Variants in CDHR2 observed in about 807,000 individuals in gnomAD.
The protein encoded by CDHR2 is cadherin related family member 2, also known as cadherin-related family member 2.
CDHR2 carries 104 observed loss-of-function variants against 138.6 expected under a neutral mutation model. The ratio of observed to expected loss-of-function variants is 0.75; its 90% CI spans 0.64 to 0.88. The LOEUF (loss-of-function observed/expected upper bound fraction) is 0.88. Ranked by LOEUF, CDHR2 falls within the 40% of genes least tolerant of loss-of-function variation. The pLI, the probability that CDHR2 is intolerant of heterozygous loss-of-function variation, is 0.00. For missense variants in CDHR2, 1,624 were observed against 1,727.6 expected (o/e 0.94, Z 1.06); for synonymous variants, 755 against 742.8 (o/e 1.02, Z -0.27).
At chr5:176,589,725 T>A in intron 24 of CDHR2, 109 bp downstream of exon 24, 1 of 949,096 alleles carries the variant, frequency 1.1e-6, no homozygotes, top group Non-Finnish European at 1.7e-6. Context: ...TGACCCACAT[T>A]TGACCTTGTC....
chr5:176,577,836 G>A (rs750536604), intron 14 of CDHR2, 38 bp downstream of exon 14: 2 of 1,605,512 alleles, frequency 1.2e-6, no homozygotes, highest in African/African-American at 2.7e-5. Flanking sequence ...TGGGGTCCCA[G>A]CAAGCGGGCG....
rs758754545 is a variant in CDHR2 at position 176,575,373 on chromosome 5, C to T, written c.715C>T (p.Pro239Ser). The T allele has an allele frequency of 5.6e-6, 9 of 1,614,108 alleles. No homozygotes were observed. The African/African-American group carries it at 9.3e-5, about 17-fold the overall frequency. ...ISVVDQPDLD[P>S]QFVREFYSAS... ...CGTGGTGGACCAGCCTGACCTTGAC[C>T]CCCAGTTTGTCAGGGAGTTTTACTC... The change falls in exon 9 of 32, where the codon CCC becomes TCC. Residue 239 changes from proline to serine, a missense_variant. By Grantham distance (74) the Pro-to-Ser change is moderately conservative. Around this residue, in one of 3 missense-constraint regions of CDHR2, gnomAD observed 1,061 missense variants for 1,136.6 expected, o/e 0.93. Transcript: ENST00000261944.
chr5:176,565,022 T>G (rs1758048566), intron 1 of CDHR2, among the ~76,000 whole-genome samples: 1 of 152,182 alleles, frequency 6.6e-6, no homozygotes, highest in Non-Finnish European at 1.5e-5. Context: ...CCCCTTCGTA[T>G]CTTGGTGCCT....
At chr5:176,565,581 C>G (rs896826151) in intron 2 of CDHR2, 91 bp from the exon 3 acceptor site, 2 of 1,304,972 alleles carry the variant, frequency 1.5e-6, no homozygotes, top group African/African-American at 2.9e-5. Flanking sequence ...GCCTGGGTGG[C>G]CATAAGGACT....
chr5:176,556,520 C>T (rs1245544428), intron 1 of CDHR2, among the ~76,000 whole-genome samples: 1 of 152,198 alleles, frequency 6.6e-6, no homozygotes, highest in Non-Finnish European at 1.5e-5. Flanking sequence ...CAAAAATTAG[C>T]CGGGTGTGGT....
chr5:176,575,929 C>A, intron 11 of CDHR2, 23 bp from the exon 12 acceptor site: 1 of 1,601,708 alleles, frequency 6.2e-7, no homozygotes, highest in East Asian at 2.3e-5. Flanking sequence ...TCTCTGCCCT[C>A]TGCCCTCTGC....
At position 176,591,254 on chromosome 5, in the gene CDHR2, G is replaced by A. The variant is rs779285494; in HGVS notation, c.3584G>A (p.Arg1195Lys). ...LQAMKAAKEA[R>K]KTAAGVMPSA... Reference sequence around the variant, plus strand: ...GCTATGAAGGCTGCCAAGGAGGCCAGGAAGACAGCAGCAGGGGTGATGCCC... The same window carrying A: ...GCTATGAAGGCTGCCAAGGAGGCCAAGAAGACAGCAGCAGGGGTGATGCCC... The change falls in exon 29 of 32, where the codon AGG becomes AAG. Residue 1195 changes from arginine to lysine, a missense_variant. Transcript: ENST00000261944. The A allele has an allele frequency of 6.2e-7, 1 of 1,614,042 alleles. No homozygotes were observed. Among genetic ancestry groups the A allele is most frequent in the East Asian group, 2.2e-5 (1 of 44,884 alleles).
At position 176,590,469 on chromosome 5, in the gene CDHR2, T is replaced by C. The variant is rs775376617; in HGVS notation, c.3398T>C (p.Leu1133Pro). The C allele has an allele frequency of 6.2e-7, 1 of 1,613,740 alleles. No homozygotes were observed. The highest frequency in any genetic ancestry group is 1.3e-5 in the African/African-American group (1 of 74,888). ...DQDSLTQLLQ[L>P]GLVVLGSQES... ...GACTCGCTGACGCAGCTGCTGCAGCTGGGGCTGGTGGTGCTGGTGAGTGCG... is the reference window on the plus strand; with the variant it reads ...GACTCGCTGACGCAGCTGCTGCAGCCGGGGCTGGTGGTGCTGGTGAGTGCG... Residue 1133 changes from leucine (L) to proline (P), a missense_variant, in exon 27 of 32, where the codon CTG becomes CCG. Physicochemically the swap from Leu to Pro is moderately conservative, Grantham distance 98 (BLOSUM62 -3). Transcript: ENST00000261944.
At position 176,569,091 on chromosome 5, in the gene CDHR2, G is replaced by A. The variant is rs1758159355; in HGVS notation, c.315+81G>A. ...GTGTCCCCACCTCCGGCAAGCGGAC[G>A]GTGCCCCAGTTAACAGTGAATTTAA... On this transcript the variant is annotated intron_variant, in intron 5 of 31. Coordinates refer to ENST00000261944, the MANE Select transcript of CDHR2 (RefSeq NM_017675.6). 6 of 1,321,340 alleles carry A rather than the reference G, an allele frequency of 4.5e-6. No homozygotes were observed. In the Admixed American group the frequency reaches 5.6e-5, roughly 12 times the overall value. The allele number at this position is 1,321,340 out of a possible 1,614,324, so 81.9% of individuals were successfully genotyped here.
At chr5:176,551,745 A>C (rs1581128183) in intron 1 of CDHR2, among the ~76,000 whole-genome samples, 1 of 127,574 alleles carries the variant, frequency 7.8e-6, no homozygotes, top group Non-Finnish European at 1.6e-5. Flanking sequence ...TCTGTCACCC[A>C]AGCTGGAGTG....
At chr5:176,587,690 A>T (rs972476795) in intron 21 of CDHR2, among the ~76,000 whole-genome samples, 1 of 152,144 alleles carries the variant, frequency 6.6e-6, no homozygotes, top group African/African-American at 2.4e-5. Flanking sequence ...AGAAGGTGGC[A>T]TGTGGGTGCC....
chr5:176,575,144 G>A lies in CDHR2; in HGVS notation c.556G>A (p.Val186Ile), dbSNP rs950111037. The stretch of plus-strand genomic sequence containing the variant: ...CCGGATCCTGGCCAATGGCTCCATA[G>A]TCCTCAATGGCAGCCTCAGCTACAA... ...LFRILANGSI[V>I]LNGSLSYNNK... is the part of the protein sequence containing the mutation. The change falls in exon 8 of 32, where the codon GTC becomes ATC. Residue 186 changes from valine to isoleucine, a missense_variant. By Grantham distance (29) the Val-to-Ile change is conservative (BLOSUM62 3). Around this residue, in one of 3 missense-constraint regions of CDHR2, gnomAD observed 1,061 missense variants for 1,136.6 expected, o/e 0.93. Coordinates refer to ENST00000261944, the MANE Select transcript of CDHR2 (RefSeq NM_017675.6). 5.0e-6 allele frequency: 8 copies of A among 1,614,180 alleles called. No homozygotes were observed. Among genetic ancestry groups the A allele is most frequent in the Non-Finnish European group, 5.1e-6 (6 of 1,180,026 alleles).
chr5:176,575,924 G>GA, intron 11 of CDHR2, 28 bp from the exon 12 acceptor site: 1 of 1,594,878 alleles, frequency 6.3e-7, no homozygotes, highest in Non-Finnish European at 8.6e-7. Flanking sequence ...CTGGCTCTCT[G>GA]CCCTCTGCCC....
chr5:176,590,462 C>T lies in CDHR2; in HGVS notation c.3391C>T (p.Leu1131=). 1 of 1,613,982 alleles carries T rather than the reference C, an allele frequency of 6.2e-7. No individual in the cohort carries two copies. Among genetic ancestry groups the T allele is most frequent in the Non-Finnish European group, 8.5e-7 (1 of 1,179,912 alleles). Residue 1131 remains leucine (L), a synonymous_variant, in exon 27 of 32, where the codon CTG becomes TTG. Transcript: ENST00000261944. The part of the protein sequence containing the change: ...RNDQDSLTQL[L]QLGLVVLGSQ... ...TGATCAGGACTCGCTGACGCAGCTG[C>T]TGCAGCTGGGGCTGGTGGTGCTGGT...
upstream of CDHR2, among the ~76,000 whole-genome samples, chr5:176,544,341 CTTTCTTT>C (rs1444903776): frequency 1.3e-5 from 2 of 150,642 alleles, no homozygotes; most frequent in African/African-American, 2.4e-5. Flanking sequence ...TCCTTCCTTC[CTTTCTTT>C]TTTCTTTTCT....
In CDHR2 at chr5:176,591,454, T is replaced by C. The variant is rs758907229; in HGVS notation, c.3704T>C (p.Leu1235Pro). The C allele has an allele frequency of 3.7e-6, 6 of 1,613,780 alleles. No individual in the cohort carries two copies. The highest frequency in any genetic ancestry group is 5.1e-6 in the Non-Finnish European group (6 of 1,179,884). ...AACAAAGACCTGGGCTTGGAGTACC[T>C]CTCTCCCTCCAATGACCTGGACTCT... ...LPNKDLGLEY[L>P]SPSNDLDSVS... The change falls in exon 30 of 32, where the codon CTC becomes CCC. Residue 1235 changes from leucine to proline, a missense_variant. Coordinates refer to ENST00000261944, the MANE Select transcript of CDHR2 (RefSeq NM_017675.6).
chr5:176,543,449 G>C lies in CDHR2; in HGVS notation c.-16+680G>C, dbSNP rs943773727. The C allele has an allele frequency of 6.6e-6, 1 of 151,844 alleles. No individual in the cohort carries two copies. Among genetic ancestry groups the C allele is most frequent in the Non-Finnish European group, 1.5e-5 (1 of 67,968 alleles). 9.4% of individuals were successfully genotyped at this position (151,844 alleles called of 1,614,324 possible). ...GCCCACACCGGCTGCGCAGCTTCCA[G>C]GACCCCCGCCCCGGCCCCGCGCGAA... is the stretch of plus-strand genomic sequence containing the variant. On this transcript the variant is annotated intron_variant, in intron 1 of 31. Coordinates refer to the CDHR2 transcript ENST00000510636. The surrounding 1 kb of genome is among the most constrained non-coding windows in gnomAD (Gnocchi z 4.0).
chr5:176,584,898 T>C lies in CDHR2; in HGVS notation c.2617T>C (p.Ser873Pro). 6.2e-7 allele frequency: 1 copy of C among 1,613,242 alleles called. No homozygotes were observed. The highest frequency in any genetic ancestry group is 8.5e-7 in the Non-Finnish European group (1 of 1,179,580). ...CTGGTTCTCAGTGGCGGCCAACGGCTCTGTGTACATCAACCAGAGCAAAGC... is the reference window on the plus strand; with the variant it reads ...CTGGTTCTCAGTGGCGGCCAACGGCCCTGTGTACATCAACCAGAGCAAAGC... ...WGWFSVAANG[S>P]VYINQSKAID... The change falls in exon 19 of 32, where the codon TCT (serine) becomes CCT (proline). Residue 873 changes from serine (S) to proline (P), a missense_variant. This residue lies in a region of CDHR2 where 556 missense variants were observed against 565.7 expected (regional missense o/e 0.98). Transcript: ENST00000261944.
Position 176,582,881 on chromosome 5 carries a change from C to T in CDHR2, c.2058+1299C>T, listed in dbSNP as rs10074547. Among the ~76,000 whole-genome samples, 1,268 of 152,334 alleles carry T rather than the reference C, an allele frequency of 8.3e-3. 17 individuals carry two copies. Among genetic ancestry groups the T allele is most frequent in the African/African-American group, 0.029 (1,213 of 41,570 alleles). ...AGTCTGGTTCTAAGGCTGCCACCAGCCCACAAGGCACCTTCCTCTGGAACA... is the reference window on the plus strand; with the variant it reads ...AGTCTGGTTCTAAGGCTGCCACCAGTCCACAAGGCACCTTCCTCTGGAACA... On this transcript the variant is annotated intron_variant, in intron 17 of 31. Coordinates refer to ENST00000261944, the MANE Select transcript of CDHR2 (RefSeq NM_017675.6).
Sources: gnomAD v4.1 joint callset for allele counts (sites outside exome capture counted in the v4.1 genomes callset) on GRCh38, gnomAD v4.1.1 for gene constraint, gnomAD v4.1.1 regional missense constraint, Gnocchi (gnomAD v3.1) non-coding constraint, MANE v1.5 for transcripts, NCBI Gene and HGNC (gene_info 2026-07-23, HGNC 2026-07-21) for gene names.